The following CAMK2A variants were observed in gnomAD, a reference collection of about 807,000 sequenced individuals.
The protein encoded by CAMK2A is calcium/calmodulin dependent protein kinase II alpha, also known as calcium/calmodulin-dependent protein kinase type II subunit alpha.
In CAMK2A, 7 loss-of-function variants were observed where a neutral mutation model predicts 79.2. The ratio of observed to expected loss-of-function variants is 0.09; its 90% confidence interval spans 0.05 to 0.17. The LOEUF (loss-of-function observed/expected upper bound fraction) is 0.17. CAMK2A is among the 10% of genes least tolerant of loss of function. The pLI, the probability that CAMK2A is intolerant of heterozygous loss-of-function variation, is 1.00. For synonymous variants in CAMK2A, 242 were observed against 251.7 expected (o/e 0.96, Z 0.36); for missense variants, 214 against 646.4 (o/e 0.33, Z 7.25).
chr5:150,232,934 C>G (rs1754907545), intron 15 of CAMK2A, among the ~76,000 whole-genome samples: 1 of 152,232 alleles, frequency 6.6e-6, no homozygotes, highest in African/African-American at 2.4e-5. Context: ...TGGCACATAC[C>G]AGGTGGAGAG....
intron 1 of CAMK2A, among the ~76,000 whole-genome samples, chr5:150,281,388 G>A (rs1757209760): frequency 6.6e-6 from 1 of 152,238 alleles, no homozygotes; most frequent in African/African-American, 2.4e-5. Flanking sequence ...AGAATAGAGA[G>A]GTTAGAATGC....
chr5:150,286,286 A>G (rs919740), intron 1 of CAMK2A, among the ~76,000 whole-genome samples: 64,959 of 152,132 alleles, frequency 0.43, 18,239 homozygotes, highest in African/African-American at 0.79. Flanking sequence ...ATATGCTTCA[A>G]TGGAACCTGC....
intron 16 of CAMK2A, among the ~76,000 whole-genome samples, chr5:150,230,894 A>G (rs747740841): frequency 1.2e-4 from 18 of 152,172 alleles, no homozygotes; most frequent in Non-Finnish European, 2.2e-4. Context: ...CAGAGGTCCA[A>G]GGGAGTCTAG....
At chr5:150,276,707 G>A (rs1363961879) in intron 1 of CAMK2A, among the ~76,000 whole-genome samples, 2 of 152,218 alleles carry the variant, frequency 1.3e-5, no homozygotes, top group African/African-American at 4.8e-5. Context: ...CCAGGGTGCA[G>A]GAGCTGGGTC....
chr5:150,259,124 G>A (rs1014361430), intron 3 of CAMK2A, among the ~76,000 whole-genome samples: 1 of 151,946 alleles, frequency 6.6e-6, no homozygotes, highest in Non-Finnish European at 1.5e-5. Context: ...AGTTTGCAGT[G>A]AGCCGAGATC....
At chr5:150,273,040 G>C in intron 2 of CAMK2A, 25 bp downstream of exon 2, 1 of 1,578,694 alleles carries the variant, frequency 6.3e-7, no homozygotes, top group South Asian at 1.1e-5. Flanking sequence ...CTGGAGGGTG[G>C]GCAGGGTAGA....
intron 13 of CAMK2A, among the ~76,000 whole-genome samples, chr5:150,244,560 T>A (rs1755478220): frequency 6.6e-6 from 1 of 152,150 alleles, no homozygotes; most frequent in African/African-American, 2.4e-5. Context: ...GACCGCAGGA[T>A]GTGGAGGGAC....
intron 14 of CAMK2A, among the ~76,000 whole-genome samples, chr5:150,239,029 G>A (rs924028895): frequency 1.3e-5 from 2 of 152,220 alleles, no homozygotes; most frequent in African/African-American, 4.8e-5. Flanking sequence ...CTGCTCGAGG[G>A]GGTGAAGAAG....
chr5:150,257,614 C>T lies in CAMK2A; in HGVS notation c.221G>A (p.Arg74Gln). Residue 74 changes from arginine (R) to glutamine (Q), a missense_variant, in exon 4 of 19, where the codon CGA becomes CAA. Transcript: ENST00000671881. ...CRLLKHPNIV[R>Q]LHDSISEEGH... ...CTCCTCTGAGATGCTGTCATGTAGT[C>T]GGACTGTGGGCGGGGCAAGGCAGTT... 1 of 1,568,294 alleles carries T rather than the reference C, an allele frequency of 6.4e-7. No individual in the cohort carries two copies. The highest frequency in any genetic ancestry group is 8.6e-7 in the Non-Finnish European group (1 of 1,156,694).
rs1757587332 is a variant in CAMK2A at position 150,289,743 on chromosome 5, A to G, written c.-118T>C. The G allele has an allele frequency of 1.3e-6, 1 of 763,206 alleles. No individual in the cohort carries two copies. The highest frequency in any genetic ancestry group is 1.7e-5 in the African/African-American group (1 of 58,168). The allele number at this position is 763,206 out of a possible 1,614,324, so 47.3% of individuals were successfully genotyped here. On this transcript the variant is annotated 5_prime_UTR_variant, in exon 1 of 19. Transcript: ENST00000671881. ...CCCGTGCTGCCGAGTGCAAACAGAGAACCGGTTTGACTGACGAGCCCGGGG... is the reference window on the plus strand; with the variant it reads ...CCCGTGCTGCCGAGTGCAAACAGAGGACCGGTTTGACTGACGAGCCCGGGG...
intron 4 of CAMK2A, among the ~76,000 whole-genome samples, chr5:150,257,085 C>T (rs1012085202): frequency 2.6e-5 from 4 of 152,118 alleles, no homozygotes; most frequent in South Asian, 2.1e-4. Flanking sequence ...GGCTGGAGTC[C>T]GGAGGTTAGG....
chr5:150,238,470 T>C (rs1330019513), intron 15 of CAMK2A: 3 of 502,000 alleles, frequency 6.0e-6, no homozygotes, highest in Admixed American at 7.1e-5. Context: ...AAAATAAAAA[T>C]AAATAAAATA....
At chr5:150,261,264 A>G (rs1464572982) in intron 3 of CAMK2A, among the ~76,000 whole-genome samples, 1 of 152,172 alleles carries the variant, frequency 6.6e-6, no homozygotes, top group Non-Finnish European at 1.5e-5. Flanking sequence ...TGATGGTACT[A>G]GAGTTGGCTT....
chr5:150,236,541 G>T lies in CAMK2A; in HGVS notation c.1066+2159C>A, dbSNP rs145535533. ...GGAAACTGAAGCTCAGAGAGGTTGAGTAAGTTGTCTGAGGTCATTCAGCAA... is the reference window on the plus strand; with the variant it reads ...GGAAACTGAAGCTCAGAGAGGTTGATTAAGTTGTCTGAGGTCATTCAGCAA... On this transcript the variant is annotated intron_variant, in intron 15 of 18. Transcript: ENST00000671881. Among the ~76,000 whole-genome samples, 4 of 152,346 alleles carry T rather than the reference G, an allele frequency of 2.6e-5. No homozygotes were observed. In the South Asian group the frequency reaches 6.2e-4, roughly 24 times the overall value.
chr5:150,226,897 G>A (rs900562614), intron 17 of CAMK2A, among the ~76,000 whole-genome samples: 2 of 150,598 alleles, frequency 1.3e-5, no homozygotes, highest in Admixed American at 6.6e-5. Flanking sequence ...TCAGCCTCCC[G>A]AGCAGCTGGG....
intron 1 of CAMK2A, among the ~76,000 whole-genome samples, chr5:150,285,574 C>T (rs1192785247): frequency 6.6e-6 from 1 of 152,196 alleles, no homozygotes; most frequent in Non-Finnish European, 1.5e-5. Flanking sequence ...CTGGGCCACA[C>T]TGCCACCTGT....
chr5:150,282,402 T>C (rs909521975), intron 1 of CAMK2A, among the ~76,000 whole-genome samples: 6 of 152,242 alleles, frequency 3.9e-5, no homozygotes, highest in African/African-American at 9.6e-5. Flanking sequence ...CTATTTTCTC[T>C]TTACAGTGCT....
chr5:150,244,465 G>A (rs747700311), intron 13 of CAMK2A, among the ~76,000 whole-genome samples: 7 of 152,256 alleles, frequency 4.6e-5, no homozygotes, highest in South Asian at 2.1e-4. Flanking sequence ...GGATAAGATC[G>A]AGTGGCAGAG....
chr5:150,279,300 C>T (rs1274752542), intron 1 of CAMK2A, among the ~76,000 whole-genome samples: 1 of 152,110 alleles, frequency 6.6e-6, no homozygotes, highest in Non-Finnish European at 1.5e-5. Flanking sequence ...GAGCGCGGTT[C>T]AACATAGAGA....
Sources: gnomAD v4.1 joint callset for allele counts (sites outside exome capture counted in the v4.1 genomes callset) on GRCh38, gnomAD v4.1.1 for gene constraint, MANE v1.5 for transcripts, NCBI Gene and HGNC (gene_info 2026-07-23, HGNC 2026-07-21) for gene names.